Variants in ZDHHC14 observed in about 807,000 individuals in gnomAD.
The protein encoded by ZDHHC14 is palmitoyltransferase ZDHHC14.
Under a neutral mutation model 47.7 loss-of-function variants are expected in ZDHHC14, and 16 were observed. The observed-to-expected ratio is 0.34, with a 90% CI of 0.23 to 0.51. The LOEUF is 0.51. Among genes scored for constraint, ZDHHC14 ranks in the 20% least tolerant of loss-of-function variants. The pLI, the probability that ZDHHC14 is intolerant of heterozygous loss-of-function variation, is 0.97. For synonymous variants in ZDHHC14, 293 were observed against 278.9 expected (o/e 1.05, Z -0.50); for missense variants, 515 against 662.5 (o/e 0.78, Z 2.44).
At chr6:157,605,984 T>A (rs1197159704) in intron 3 of ZDHHC14, among the ~76,000 whole-genome samples, 1 of 152,222 alleles carries the variant, frequency 6.6e-6, no homozygotes, top group Non-Finnish European at 1.5e-5. Flanking sequence ...CCCAGGATTA[T>A]CATGAAGTTA....
At chr6:157,473,567 G>A (rs568784386) in intron 1 of ZDHHC14, among the ~76,000 whole-genome samples, 3 of 152,134 alleles carry the variant, frequency 2.0e-5, no homozygotes, top group African/African-American at 7.2e-5. Flanking sequence ...AAGTATTTTC[G>A]ATTTGGGAGT....
chr6:157,426,596 G>T (rs1296789404), intron 1 of ZDHHC14, among the ~76,000 whole-genome samples: 1 of 152,130 alleles, frequency 6.6e-6, no homozygotes, highest in African/African-American at 2.4e-5. Flanking sequence ...GTAGCCTGGT[G>T]CTTGACACTG....
intron 3 of ZDHHC14, among the ~76,000 whole-genome samples, chr6:157,597,039 T>C (rs1463534724): frequency 6.6e-6 from 1 of 152,250 alleles, no homozygotes; most frequent in Non-Finnish European, 1.5e-5. Flanking sequence ...TCTCTTTCTC[T>C]GAATCCTTGA....
intron 1 of ZDHHC14, among the ~76,000 whole-genome samples, chr6:157,459,141 T>C (rs1441209704): frequency 6.6e-6 from 1 of 151,978 alleles, no homozygotes; most frequent in East Asian, 1.9e-4. Context: ...TTTACCAGAG[T>C]AGTGTTGATC....
At chr6:157,467,444 G>C (rs137960698) in intron 1 of ZDHHC14, among the ~76,000 whole-genome samples, 1 of 151,996 alleles carries the variant, frequency 6.6e-6, no homozygotes, top group Admixed American at 6.6e-5. Flanking sequence ...TTTGTGCCTG[G>C]CTTCTCTCAC....
At position 157,381,958 on chromosome 6, in the gene ZDHHC14, CG is replaced by C. The variant is rs1777220278; in HGVS notation, c.-62del. 5.0e-6 allele frequency: 5 copies of C among 1,009,514 alleles called. No homozygotes were observed. The highest frequency in any genetic ancestry group is 5.9e-6 in the Non-Finnish European group (5 of 846,364). 62.5% of individuals were successfully genotyped at this position (1,009,514 alleles called of 1,614,324 possible). A position where few individuals can be genotyped will look rare whatever the true frequency, so the allele number is the denominator to read the frequency against. On this transcript the variant is annotated 5_prime_UTR_variant, in exon 1 of 9. Transcript: ENST00000359775. ...CGGGCGGCCGGCGGCGGTCGTGGCTCGGCGGGGCCCGCGCGGCCGGGGGGCT... is the reference window on the plus strand; with the variant it reads ...CGGGCGGCCGGCGGCGGTCGTGGCTCGCGGGGCCCGCGCGGCCGGGGGGCT...
At chr6:157,396,899 G>C (rs1258874081) in intron 1 of ZDHHC14, among the ~76,000 whole-genome samples, 1 of 152,134 alleles carries the variant, frequency 6.6e-6, no homozygotes, top group African/African-American at 2.4e-5. Context: ...TGCCTTTATT[G>C]AGCTGGGAAA....
At chr6:157,608,295 C>T (rs1784621086) in intron 3 of ZDHHC14, among the ~76,000 whole-genome samples, 1 of 151,988 alleles carries the variant, frequency 6.6e-6, no homozygotes, top group Admixed American at 6.6e-5. Flanking sequence ...TGCTCGGGAG[C>T]TCTGGGAGAC....
At chr6:157,605,242 G>A (rs935690930) in intron 3 of ZDHHC14, among the ~76,000 whole-genome samples, 3 of 152,110 alleles carry the variant, frequency 2.0e-5, no homozygotes, top group Admixed American at 6.6e-5. Flanking sequence ...TTTTAAAAAA[G>A]GTTGAAAAGT....
chr6:157,421,999 A>G (rs1308127884), intron 1 of ZDHHC14, among the ~76,000 whole-genome samples: 1 of 152,190 alleles, frequency 6.6e-6, no homozygotes, highest in Non-Finnish European at 1.5e-5. Context: ...AGAGCCTCAT[A>G]ACGATTCTGA....
At chr6:157,530,775 T>C (rs1294314003) in intron 1 of ZDHHC14, among the ~76,000 whole-genome samples, 1 of 152,212 alleles carries the variant, frequency 6.6e-6, no homozygotes, top group Non-Finnish European at 1.5e-5. Context: ...TTTAGTGAGT[T>C]TGTGGGTGAA....
intron 2 of ZDHHC14, among the ~76,000 whole-genome samples, chr6:157,558,924 C>T (rs1018864650): frequency 1.3e-5 from 2 of 151,818 alleles, no homozygotes; most frequent in Non-Finnish European, 2.9e-5. Flanking sequence ...CCCCCAACCT[C>T]GGAGGGTGGA....
intron 3 of ZDHHC14, among the ~76,000 whole-genome samples, chr6:157,596,469 G>A (rs564194459): frequency 3.3e-5 from 5 of 152,236 alleles, no homozygotes; most frequent in South Asian, 4.2e-4. Flanking sequence ...TTCCCAGGCC[G>A]TTCAGAAGAG....
intron 1 of ZDHHC14, among the ~76,000 whole-genome samples, chr6:157,539,021 G>A (rs1378276103): frequency 1.3e-5 from 2 of 152,166 alleles, no homozygotes; most frequent in Admixed American, 1.3e-4. Context: ...AACGGCGGAA[G>A]CATGGAGGGC....
rs956857823 is a variant in ZDHHC14, at chr6:157,482,297, G to C, written c.246-60288G>C. 4.9e-5 allele frequency among the ~76,000 whole-genome samples: 6 copies of C among 121,748 alleles called. No individual in the cohort carries two copies. The Admixed American group carries it at 6.1e-4, about 12-fold the overall frequency. The allele number at this position is 121,748 out of a possible 152,430, so 79.9% of individuals were successfully genotyped here. ...TTTTTTTGAGATGGAGTCTTGCTCT[G>C]TTTCCCAGGCTGGAGTGCAGTGGCA... is the stretch of plus-strand genomic sequence containing the variant. On this transcript the variant is annotated intron_variant, in intron 1 of 8. Coordinates refer to ENST00000359775, the MANE Select transcript of ZDHHC14 (RefSeq NM_024630.3).
At chr6:157,518,993 C>T (rs1780809993) in intron 1 of ZDHHC14, among the ~76,000 whole-genome samples, 1 of 152,154 alleles carries the variant, frequency 6.6e-6, no homozygotes, top group Admixed American at 6.5e-5. Flanking sequence ...CTGACAGTTG[C>T]CCCTGTTACC....
chr6:157,646,600 G>A (rs143221058), intron 6 of ZDHHC14, among the ~76,000 whole-genome samples: 4,532 of 133,792 alleles, frequency 0.034, 252 homozygotes, highest in African/African-American at 0.13. Flanking sequence ...GTGACAGAGC[G>A]ACACTCCATC....
Position 157,463,286 on chromosome 6 carries a change from A to G in ZDHHC14, c.246-79299A>G, listed in dbSNP as rs186574106. 3.3e-5 allele frequency among the ~76,000 whole-genome samples: 5 copies of G among 151,700 alleles called. No homozygotes were observed. The highest frequency in any genetic ancestry group is 1.3e-4 in the Admixed American group (2 of 15,210). ...TAGAACAATTGAAATTGGTTTTTCA[A>G]TAGAAACAATTGAATAGTCCAGATT... is the stretch of plus-strand genomic sequence containing the variant. On this transcript the variant is annotated intron_variant, in intron 1 of 8. Transcript: ENST00000359775. This position sits in a 1 kb window ranked among gnomAD's most constrained non-coding sequence, Gnocchi z 4.4.
intron 1 of ZDHHC14, 120 bp from the exon 2 acceptor site, chr6:157,542,465 A>G: frequency 2.2e-6 from 3 of 1,346,110 alleles, no homozygotes; most frequent in Non-Finnish European, 3.0e-6. Flanking sequence ...ATGGAAATCA[A>G]TTTCTCTCCT....
Sources: gnomAD v4.1 joint callset for allele counts (sites outside exome capture counted in the v4.1 genomes callset) on GRCh38, gnomAD v4.1.1 for gene constraint, Gnocchi (gnomAD v3.1) non-coding constraint, MANE v1.5 for transcripts, NCBI Gene and HGNC (gene_info 2026-07-23, HGNC 2026-07-21) for gene names.